PCDHGB2: variants seen among roughly 807,000 people sequenced by gnomAD.
PCDHGB2 encodes protocadherin gamma-B2.
In PCDHGB2, 55 loss-of-function variants were observed where a neutral mutation model predicts 59.3. The observed-to-expected ratio is 0.93, with a 90% CI of 0.75 to 1.16. The LOEUF is 1.16. Ranked by LOEUF, PCDHGB2 falls within the 50% of genes most tolerant of loss-of-function variation. The pLI is 0.00. For missense variants in PCDHGB2, 1,228 were observed against 1,198.5 expected, an observed-to-expected ratio of 1.02 and a Z score of -0.36; for synonymous variants, 516 against 512.0, an observed-to-expected ratio of 1.01 and a Z score of -0.11.
At position 141,454,796 on chromosome 5, in the gene PCDHGB2, ATTT is replaced by A. The variant is rs61612330; in HGVS notation, c.2422-39984_2422-39982del. On this transcript the variant is annotated intron_variant, in intron 1 of 3. Coordinates refer to ENST00000522605, the MANE Select transcript of PCDHGB2 (RefSeq NM_018923.3). ...AAGGAAATAATCCTCCATGGTTCTA[ATTT>A]TTTTTTTTTTTTTTTTTTTTTTTTT... is the stretch of plus-strand genomic sequence containing the variant. 8.4e-3 allele frequency among the ~76,000 whole-genome samples: 651 copies of A among 77,268 alleles called. 2 individuals are homozygous for A. Among genetic ancestry groups the A allele is most frequent in the African/African-American group, 0.012 (206 of 16,834 alleles). The allele number at this position is 77,268 out of a possible 152,430, so 50.7% of individuals were successfully genotyped here. A position where few individuals can be genotyped will look rare whatever the true frequency, so the allele number is the denominator to read the frequency against.
chr5:141,481,427 T>C lies in PCDHGB2; in HGVS notation c.2422-13380T>C, dbSNP rs79272909. Reference sequence around the variant, plus strand: ...TTGTATAATTAGATTGTGATGATGATTGTATCAGTTTAGTACATGTAAATA... The same window carrying C: ...TTGTATAATTAGATTGTGATGATGACTGTATCAGTTTAGTACATGTAAATA... On this transcript the variant is annotated intron_variant, in intron 1 of 3. Transcript: ENST00000522605. Among the ~76,000 whole-genome samples the C allele has an allele frequency of 6.0e-3, 907 of 152,334 alleles. 5 individuals are homozygous for C. Among genetic ancestry groups the C allele is most frequent in the African/African-American group, 0.02 (840 of 41,578 alleles).
At chr5:141,483,082 C>T (rs2099576709) in intron 1 of PCDHGB2, among the ~76,000 whole-genome samples, 1 of 151,662 alleles carries the variant, frequency 6.6e-6, no homozygotes, top group African/African-American at 2.4e-5. Flanking sequence ...GAGACTCCAT[C>T]TCAAAAAAAA....
chr5:141,439,115 C>A (rs2098087976), intron 1 of PCDHGB2, among the ~76,000 whole-genome samples: 1 of 151,476 alleles, frequency 6.6e-6, no homozygotes, highest in Non-Finnish European at 1.5e-5. Context: ...ATCACTTGAA[C>A]CCGGGAGACA....
Position 141,403,721 on chromosome 5 carries a change from C to T in PCDHGB2, c.2421+41165C>T, listed in dbSNP as rs748888364. On this transcript the variant is annotated intron_variant, in intron 1 of 3. Coordinates refer to ENST00000522605, the MANE Select transcript of PCDHGB2 (RefSeq NM_018923.3). ...AGTTAAAGTCCTTGAGAACGTGCCC[C>T]CAGGCACCTGGCTGCTTACTGCAAC... 5 of 1,613,754 alleles carry T rather than the reference C, an allele frequency of 3.1e-6. No individual in the cohort carries two copies. The highest frequency in any genetic ancestry group is 2.2e-5 in the East Asian group (1 of 44,878).
intron 1 of PCDHGB2, chr5:141,409,877 G>A: frequency 6.2e-7 from 1 of 1,612,860 alleles, no homozygotes; most frequent in Non-Finnish European, 8.5e-7. Context: ...CAATGACAAC[G>A]CACCGCGGGT....
rs1160156030 is a variant in PCDHGB2 at position 141,477,238 on chromosome 5, C to T, written c.2422-17569C>T. 20 of 1,614,094 alleles carry T rather than the reference C, an allele frequency of 1.2e-5. No individual in the cohort carries two copies. The highest frequency in any genetic ancestry group is 5.0e-5 in the Admixed American group (3 of 60,006). The stretch of plus-strand genomic sequence containing the variant: ...CTCTGGGGACTGTCATCGCTTTGCT[C>T]AGTGTGACTGACCTGGATGCTGGCG... On this transcript the variant is annotated intron_variant, in intron 1 of 3. Transcript: ENST00000522605. This position sits in a 1 kb window ranked among gnomAD's most constrained non-coding sequence, Gnocchi z 4.9.
chr5:141,500,871 T>C (rs2154592764), intron 2 of PCDHGB2, among the ~76,000 whole-genome samples: 1 of 135,840 alleles, frequency 7.4e-6, no homozygotes, highest in African/African-American at 3.0e-5. Context: ...TACACATTCA[T>C]TTACAATTTT....
intron 1 of PCDHGB2, chr5:141,393,169 T>A: frequency 6.2e-7 from 1 of 1,613,090 alleles, no homozygotes; most frequent in African/African-American, 1.3e-5. Context: ...CTCTTTGGGG[T>A]AGAAATAGAA....
chr5:141,385,388 G>A (rs757763221), intron 1 of PCDHGB2: 1 of 1,507,708 alleles, frequency 6.6e-7, no homozygotes, highest in Non-Finnish European at 8.8e-7. Context: ...CTATTATTTT[G>A]CAAAACAAAT....
Position 141,493,836 on chromosome 5 carries a change from A to G in PCDHGB2, c.2422-971A>G, listed in dbSNP as rs1411929024. Among the ~76,000 whole-genome samples the G allele has an allele frequency of 6.6e-6, 1 of 152,194 alleles. No individual in the cohort carries two copies. Among genetic ancestry groups the G allele is most frequent in the Non-Finnish European group, 1.5e-5 (1 of 68,038 alleles). On this transcript the variant is annotated intron_variant, in intron 1 of 3. Transcript: ENST00000522605. This position sits in a 1 kb window ranked among gnomAD's most constrained non-coding sequence, Gnocchi z 4.3. ...ACACTCTCTGCTTCTGGGAGCAAGT[A>G]TGAGTATTAATTACCAGCCCACCCC...
intron 3 of PCDHGB2, among the ~76,000 whole-genome samples, chr5:141,505,926 G>T (rs114056147): frequency 6.6e-6 from 1 of 152,146 alleles, no homozygotes; most frequent in African/African-American, 2.4e-5. Flanking sequence ...TGGGCCTGGC[G>T]CTTGGAAGCC....
At chr5:141,501,366 T>G (rs1297210978) in intron 2 of PCDHGB2, among the ~76,000 whole-genome samples, 1 of 150,672 alleles carries the variant, frequency 6.6e-6, no homozygotes, top group Non-Finnish European at 1.5e-5. Flanking sequence ...ACCATATTCA[T>G]CATCTCTTAA....
intron 1 of PCDHGB2, among the ~76,000 whole-genome samples, chr5:141,480,730 G>T (rs1261461187): frequency 6.6e-6 from 1 of 152,168 alleles, no homozygotes; most frequent in Non-Finnish European, 1.5e-5. Flanking sequence ...GTCTCTGGGG[G>T]TGGGACATAG....
intron 1 of PCDHGB2, chr5:141,433,145 G>C (rs2097571427): frequency 6.2e-7 from 1 of 1,613,922 alleles, no homozygotes; most frequent in Non-Finnish European, 8.5e-7. Flanking sequence ...GCTGTCAGGT[G>C]ATTCGGTATT....
chr5:141,482,645 G>A (rs1267966412), intron 1 of PCDHGB2, among the ~76,000 whole-genome samples: 1 of 152,120 alleles, frequency 6.6e-6, no homozygotes, highest in Admixed American at 6.5e-5. Context: ...TAGAGGTGGT[G>A]ATGCTTGAGC....
intron 1 of PCDHGB2, chr5:141,387,572 T>C (rs369703788): frequency 1.9e-4 from 92 of 480,688 alleles, no homozygotes; most frequent in Non-Finnish European, 2.3e-4. Flanking sequence ...CAATTATAAT[T>C]ATTGCACTGG....
chr5:141,365,223 T>C (rs1561533548), intron 1 of PCDHGB2: 7 of 1,613,924 alleles, frequency 4.3e-6, no homozygotes, highest in Non-Finnish European at 5.9e-6. Context: ...GATTCCAACC[T>C]GGGGGAAATC....
At chr5:141,483,955 G>A (rs1244162791) in intron 1 of PCDHGB2, among the ~76,000 whole-genome samples, 1 of 144,218 alleles carries the variant, frequency 6.9e-6, no homozygotes, top group African/African-American at 2.6e-5. Flanking sequence ...ATTGTGTTGT[G>A]TTTCTGTGCT....
chr5:141,419,632 G>A (rs1210031265), intron 1 of PCDHGB2: 1 of 1,612,432 alleles, frequency 6.2e-7, no homozygotes, highest in Admixed American at 1.7e-5. Flanking sequence ...TGACCAAGGT[G>A]GTGGCCGTGG....
Sources: allele counts gnomAD v4.1 joint callset (sites outside exome capture counted in the v4.1 genomes callset), GRCh38; gene constraint gnomAD v4.1.1; non-coding constraint Gnocchi (gnomAD v3.1); transcripts MANE v1.5; gene names NCBI Gene and HGNC (gene_info 2026-07-23, HGNC 2026-07-21).